The following IKBKB-DT variants were observed in gnomAD, a reference collection of about 807,000 sequenced individuals.
IKBKB-DT encodes the protein IKBKB divergent transcript, also known as IKBKB antisense RNA.
intron 3 of IKBKB-DT, among the ~76,000 whole-genome samples, chr8:42,260,436 C>T (rs546145720): frequency 4.1e-4 from 62 of 152,126 alleles, no homozygotes; most frequent in Non-Finnish European, 6.6e-4. Flanking sequence ...GAGGCTGAGG[C>T]GGGCAGATCA....
intron 3 of IKBKB-DT, among the ~76,000 whole-genome samples, chr8:42,248,594 C>T (rs889989029): frequency 2.0e-5 from 3 of 151,998 alleles, no homozygotes; most frequent in African/African-American, 7.3e-5. Context: ...TTAAGAGACC[C>T]AAATAGCCGG....
At chr8:42,269,106 AG>A (rs1173901950) in intron 1 of IKBKB-DT, among the ~76,000 whole-genome samples, 1 of 151,334 alleles carries the variant, frequency 6.6e-6, no homozygotes, top group East Asian at 2.0e-4. Flanking sequence ...CTTTGAGGCC[AG>A]GAGTTCAAGC....
At chr8:42,268,249 C>T (rs1270734633) in intron 1 of IKBKB-DT, among the ~76,000 whole-genome samples, 1 of 151,664 alleles carries the variant, frequency 6.6e-6, no homozygotes, top group Non-Finnish European at 1.5e-5. Context: ...ATTCTCCTGC[C>T]TCAGCCTCCC....
At chr8:42,245,481 AG>A (rs896900592) in intron 3 of IKBKB-DT, among the ~76,000 whole-genome samples, 29 of 152,340 alleles carry the variant, frequency 1.9e-4, no homozygotes, top group African/African-American at 6.0e-4. Context: ...AGCAGCTCCC[AG>A]GGAGCCACAC....
chr8:42,257,785 A>G (rs1318340801), intron 3 of IKBKB-DT, among the ~76,000 whole-genome samples: 1 of 152,096 alleles, frequency 6.6e-6, no homozygotes, highest in African/African-American at 2.4e-5. Context: ...AAAAATTTTC[A>G]AAGGACAATT....
At chr8:42,239,991 A>G (rs1401298749) in intron 3 of IKBKB-DT, among the ~76,000 whole-genome samples, 2 of 152,124 alleles carry the variant, frequency 1.3e-5, no homozygotes, top group Non-Finnish European at 2.9e-5. Flanking sequence ...CTGAATGATG[A>G]TATGTCTTCC....
chr8:42,264,645 G>A (rs1585469865), intron 2 of IKBKB-DT, among the ~76,000 whole-genome samples: 2 of 151,896 alleles, frequency 1.3e-5, no homozygotes, highest in African/African-American at 2.4e-5. Context: ...TGCAGCCTCC[G>A]CCTCCCTAGT....
intron 1 of IKBKB-DT, chr8:42,270,251 T>A (rs1016935530): frequency 1.3e-5 from 2 of 152,258 alleles, no homozygotes; most frequent in African/African-American, 4.8e-5. Flanking sequence ...CTCAACACTT[T>A]GGGAAGCCCA....
At chr8:42,243,551 A>G (rs2129908550) in intron 3 of IKBKB-DT, among the ~76,000 whole-genome samples, 1 of 152,312 alleles carries the variant, frequency 6.6e-6, no homozygotes, top group South Asian at 2.1e-4. Context: ...TCATAATCTC[A>G]ACTATTAATT....
chr8:42,254,533 C>T (rs1006939660), intron 3 of IKBKB-DT, among the ~76,000 whole-genome samples: 14 of 151,070 alleles, frequency 9.3e-5, no homozygotes, highest in African/African-American at 2.2e-4. Context: ...CCCCTCTGCC[C>T]GGCTGCCAAC....
At chr8:42,253,761 T>G (rs1807158931) in intron 3 of IKBKB-DT, among the ~76,000 whole-genome samples, 2 of 152,230 alleles carry the variant, frequency 1.3e-5, no homozygotes, top group South Asian at 4.1e-4. Context: ...AGTTTTGCCA[T>G]GAGAGTACAC....
intron 3 of IKBKB-DT, among the ~76,000 whole-genome samples, chr8:42,256,841 C>T (rs572990942): frequency 6.6e-6 from 1 of 152,158 alleles, no homozygotes; most frequent in East Asian, 1.9e-4. Context: ...TACTCATCAG[C>T]ACAGCAGCCA....
chr8:42,270,771 T>A (rs1379092746), exon 1 of IKBKB-DT: 1 of 152,624 alleles, frequency 6.6e-6, no homozygotes, highest in African/African-American at 2.4e-5. Flanking sequence ...GGTTTCCTCA[T>A]GTCACCGGGG....
rs111778599 is a variant in IKBKB-DT, at chr8:42,264,955, T to C, written n.1385+660A>G. Among the ~76,000 whole-genome samples, 450 of 151,968 alleles carry C rather than the reference T, an allele frequency of 3.0e-3. 5 individuals are homozygous for C. Among genetic ancestry groups the C allele is most frequent in the Middle Eastern group, 0.024 (7 of 294 alleles). ...TCTGTTTACTGCAACCTCTGCCTCCTGGGTTAAAGTGATTCTCCCGCCTCA... is the reference window on the plus strand; with the variant it reads ...TCTGTTTACTGCAACCTCTGCCTCCCGGGTTAAAGTGATTCTCCCGCCTCA... On this transcript the variant is annotated intron_variant and non_coding_transcript_variant, in intron 2 of 3. Transcript: ENST00000518213.
chr8:42,267,992 T>C (rs1002802759), intron 1 of IKBKB-DT, among the ~76,000 whole-genome samples: 4 of 152,192 alleles, frequency 2.6e-5, no homozygotes, highest in Non-Finnish European at 4.4e-5. Flanking sequence ...GAGTAAACTT[T>C]TGGCATATTA....
chr8:42,257,225 C>T (rs968481702), intron 3 of IKBKB-DT, among the ~76,000 whole-genome samples: 2 of 151,992 alleles, frequency 1.3e-5, no homozygotes, highest in South Asian at 2.1e-4. Context: ...AAGACAAGGC[C>T]GGGTGCAGTG....
intron 3 of IKBKB-DT, among the ~76,000 whole-genome samples, chr8:42,247,176 G>C (rs1251860000): frequency 6.6e-6 from 1 of 152,164 alleles, no homozygotes; most frequent in East Asian, 1.9e-4. Flanking sequence ...CAGTCGGAGG[G>C]GGTGGGCTGT....
chr8:42,241,254 T>C (rs1807000108), intron 3 of IKBKB-DT, among the ~76,000 whole-genome samples: 1 of 80,662 alleles, frequency 1.2e-5, no homozygotes, highest in Non-Finnish European at 2.3e-5. Context: ...TTTTTTTTTT[T>C]TTTTTTTTTT....
At chr8:42,261,141 C>T (rs1369081793) in intron 3 of IKBKB-DT, among the ~76,000 whole-genome samples, 1 of 152,154 alleles carries the variant, frequency 6.6e-6, no homozygotes, top group Non-Finnish European at 1.5e-5. Flanking sequence ...GCCTGGGCAA[C>T]ATGGTGAGAC....
Sources: allele counts gnomAD v4.1 joint callset (sites outside exome capture counted in the v4.1 genomes callset), GRCh38; gene constraint gnomAD v4.1.1; transcripts MANE v1.5; gene names NCBI Gene and HGNC (gene_info 2026-07-23, HGNC 2026-07-21).